RASGEF1C: variants seen among roughly 807,000 people sequenced by gnomAD.
RASGEF1C encodes the protein ras-GEF domain-containing family member 1C.
A neutral mutation model predicts 58.1 loss-of-function variants in RASGEF1C; 27 were observed. That is an observed-to-expected ratio of 0.46 (90% CI 0.34 to 0.64). The LOEUF is 0.64. RASGEF1C is among the 30% of genes least tolerant of loss of function. The pLI is 0.01. For missense variants in RASGEF1C, 502 were observed against 605.1 expected (o/e 0.83, Z 1.79); for synonymous variants, 243 against 246.3 (o/e 0.99, Z 0.13).
At chr5:180,121,631 G>A (rs1766175298) in intron 6 of RASGEF1C, among the ~76,000 whole-genome samples, 1 of 139,138 alleles carries the variant, frequency 7.2e-6, no homozygotes, top group Non-Finnish European at 1.6e-5. Flanking sequence ...ATTTTAAAAT[G>A]TAACTTCACA....
chr5:180,110,353 A>T lies in RASGEF1C; in HGVS notation c.1303+1104T>A, dbSNP rs980886526. On this transcript the variant is annotated intron_variant, in intron 12 of 13. Transcript: ENST00000361132. ...TATAAACAATAAAATGGCAAAGTTG[A>T]AAGTATTCAAAAGCAAAATCATTAA... Among the ~76,000 whole-genome samples, 3 of 151,502 alleles carry T rather than the reference A, an allele frequency of 2.0e-5. No homozygotes were observed. The South Asian group carries it at 6.2e-4, about 32-fold the overall frequency.
At chr5:180,178,282 T>A (rs1204883543) in intron 1 of RASGEF1C, among the ~76,000 whole-genome samples, 7 of 131,842 alleles carry the variant, frequency 5.3e-5, no homozygotes, top group Non-Finnish European at 9.7e-5. Context: ...TGGCTTTTTT[T>A]TTTTTTTTTT....
chr5:180,163,644 A>G (rs553566981), intron 1 of RASGEF1C, among the ~76,000 whole-genome samples: 60 of 152,176 alleles, frequency 3.9e-4, no homozygotes, highest in Middle Eastern at 3.4e-3. Flanking sequence ...ATATCTCTCT[A>G]TACCTTTATC....
intron 1 of RASGEF1C, among the ~76,000 whole-genome samples, chr5:180,153,029 C>T (rs551521979): frequency 1.3e-5 from 2 of 151,930 alleles, no homozygotes; most frequent in Admixed American, 1.3e-4. Flanking sequence ...AGGGAAATTG[C>T]AGTACCTTTA....
At chr5:180,178,900 T>C (rs1178920700) in intron 1 of RASGEF1C, among the ~76,000 whole-genome samples, 1 of 151,830 alleles carries the variant, frequency 6.6e-6, no homozygotes, top group African/African-American at 2.4e-5. Flanking sequence ...CTGGAGAATG[T>C]TCTTGGGGGG....
chr5:180,169,575 G>T (rs910853691), intron 1 of RASGEF1C, among the ~76,000 whole-genome samples: 2 of 151,254 alleles, frequency 1.3e-5, no homozygotes, highest in Non-Finnish European at 3.0e-5. Flanking sequence ...AGCTGGGAGA[G>T]GGGGCTGGGG....
In RASGEF1C at chr5:180,177,291, C is replaced by A. The variant is rs1767246734; in HGVS notation, c.-7+31737G>T. ...TTCCCTTTCCGGCCCCACCTCCCCA[C>A]CCAGTGAAGGGGCTGGCCTGCCCGG... On this transcript the variant is annotated intron_variant, in intron 1 of 13. Coordinates refer to ENST00000361132, the MANE Select transcript of RASGEF1C (RefSeq NM_175062.4). This position sits in a 1 kb window ranked among gnomAD's most constrained non-coding sequence, Gnocchi z 5.0. Among the ~76,000 whole-genome samples, 1 of 152,238 alleles carries A rather than the reference C, an allele frequency of 6.6e-6. No homozygotes were observed. The highest frequency in any genetic ancestry group is 1.5e-5 in the Non-Finnish European group (1 of 68,040).
intron 12 of RASGEF1C, among the ~76,000 whole-genome samples, chr5:180,103,292 T>TG (rs1554110629): frequency 6.6e-6 from 1 of 152,190 alleles, no homozygotes; most frequent in Non-Finnish European, 1.5e-5. Flanking sequence ...TTAGCCAGGA[T>TG]GGTCTCGATC....
chr5:180,116,634 C>T (rs1314306557), intron 10 of RASGEF1C, among the ~76,000 whole-genome samples: 1 of 152,268 alleles, frequency 6.6e-6, no homozygotes, highest in Non-Finnish European at 1.5e-5. Flanking sequence ...GGGCTCAGAA[C>T]ACAGGCATCC....
At chr5:180,114,002 T>A (rs1766021952) in intron 11 of RASGEF1C, among the ~76,000 whole-genome samples, 1 of 152,082 alleles carries the variant, frequency 6.6e-6, no homozygotes, top group Non-Finnish European at 1.5e-5. Flanking sequence ...GTGGTGAGTG[T>A]CTACAGAGGG....
At position 180,209,131 on chromosome 5, in the gene RASGEF1C, GCCGCCGCCGCCGCCGCCGCCCGA is replaced by G. The variant is rs1181768730; in HGVS notation, c.-133_-111del. On this transcript the variant is annotated 5_prime_UTR_variant, in exon 1 of 14. Transcript: ENST00000361132. ...GCCGCCCGCCGCCGCCGCCGCCGCC[GCCGCCGCCGCCGCCGCCGCCCGA>G]CCGCCCGGCTCCCAGCGCAGCCCGC... 3.2e-3 allele frequency: 73 copies of G among 22,684 alleles called. No homozygotes were observed. Among genetic ancestry groups the G allele is most frequent in the South Asian group, 0.012 (13 of 1,086 alleles). 1.4% of individuals were successfully genotyped at this position (22,684 alleles called of 1,614,324 possible). A position where few individuals can be genotyped will look rare whatever the true frequency, so the allele number is the denominator to read the frequency against.
In RASGEF1C at chr5:180,156,060, T is replaced by C. The variant is rs1766843708; in HGVS notation, c.-6-18002A>G. On this transcript the variant is annotated intron_variant, in intron 1 of 13. Transcript: ENST00000361132. This position sits in a 1 kb window ranked among gnomAD's most constrained non-coding sequence, Gnocchi z 4.9. Reference sequence around the variant, plus strand: ...TAATAAAAAGAGCGTTACCAGTACCTTAAAATCCCTAATGCATCTTCCTCA... The same window carrying C: ...TAATAAAAAGAGCGTTACCAGTACCCTAAAATCCCTAATGCATCTTCCTCA... Among the ~76,000 whole-genome samples, 1 of 152,154 alleles carries C rather than the reference T, an allele frequency of 6.6e-6. No homozygotes were observed. Among genetic ancestry groups the C allele is most frequent in the South Asian group, 2.1e-4 (1 of 4,826 alleles).
intron 6 of RASGEF1C, among the ~76,000 whole-genome samples, chr5:180,121,972 T>C (rs979360391): frequency 6.6e-6 from 1 of 152,192 alleles, no homozygotes; most frequent in Non-Finnish European, 1.5e-5. Flanking sequence ...TGAAGTGCCG[T>C]CTAGTATTCC....
At chr5:180,186,019 C>A (rs1195762014) in intron 1 of RASGEF1C, among the ~76,000 whole-genome samples, 2 of 149,326 alleles carry the variant, frequency 1.3e-5, no homozygotes, top group Admixed American at 6.8e-5. Context: ...GCTGATTGAG[C>A]CTGGGAGGTC....
At chr5:180,106,633 T>C (rs1231319522) in intron 12 of RASGEF1C, among the ~76,000 whole-genome samples, 1 of 152,212 alleles carries the variant, frequency 6.6e-6, no homozygotes, top group Non-Finnish European at 1.5e-5. Context: ...AAGAACATAG[T>C]GTGTTATGAT....
At chr5:180,190,490 A>AG in intron 1 of RASGEF1C, among the ~76,000 whole-genome samples, 1 of 12,916 alleles carries the variant, frequency 7.7e-5, no homozygotes, top group Non-Finnish European at 1.4e-4. Flanking sequence ...ACTCCGTCTC[A>AG]AAAAAAAAAA....
rs551471883 is a variant in RASGEF1C, at chr5:180,140,428, C to T, written c.-6-2370G>A. On this transcript the variant is annotated intron_variant, in intron 1 of 13. Transcript: ENST00000361132. ...CATTCCAGGCAATGGGGACAAAGCC[C>T]GACCTCAGGGAGCTGGTAAGGGAGG... is the stretch of plus-strand genomic sequence containing the variant. 5.3e-4 allele frequency among the ~76,000 whole-genome samples: 81 copies of T among 152,330 alleles called. 4 individuals are homozygous for T. In the South Asian group the frequency reaches 0.016, roughly 31 times the overall value.
intron 1 of RASGEF1C, among the ~76,000 whole-genome samples, chr5:180,193,139 T>G (rs1305623909): frequency 1.4e-5 from 2 of 145,686 alleles, no homozygotes; most frequent in Non-Finnish European, 3.0e-5. Context: ...CACTGCAAGC[T>G]CCACCTCCCG....
intron 12 of RASGEF1C, among the ~76,000 whole-genome samples, chr5:180,103,171 G>A (rs569839070): frequency 7.4e-4 from 113 of 152,174 alleles, no homozygotes; most frequent in African/African-American, 2.1e-3. Context: ...TCTGCCTCCC[G>A]GGTTCACACC....
Sources: allele counts gnomAD v4.1 joint callset (sites outside exome capture counted in the v4.1 genomes callset), GRCh38; gene constraint gnomAD v4.1.1; non-coding constraint Gnocchi (gnomAD v3.1); transcripts MANE v1.5; gene names NCBI Gene and HGNC (gene_info 2026-07-23, HGNC 2026-07-21).